PCDHA10: variants seen among roughly 807,000 people sequenced by gnomAD.
PCDHA10 encodes protocadherin alpha-10.
In PCDHA10, 45 loss-of-function variants were observed where a neutral mutation model predicts 61.2. The observed-to-expected ratio is 0.74, with a 90% CI of 0.58 to 0.94. The LOEUF is 0.94. Among genes scored for constraint, PCDHA10 ranks in the 40% least tolerant of loss-of-function variants. The probability of loss-of-function intolerance (pLI) is 0.00; values close to 1 mark genes in which losing one functional copy is unlikely to be tolerated. For synonymous variants in PCDHA10, 602 were observed against 548.8 expected, an observed-to-expected ratio of 1.10 and a Z score of -1.35; for missense variants, 1,278 against 1,236.2, an observed-to-expected ratio of 1.03 and a Z score of -0.51.
intron 1 of PCDHA10, among the ~76,000 whole-genome samples, chr5:140,887,519 T>C (rs1460911624): frequency 1.3e-5 from 2 of 152,190 alleles, no homozygotes; most frequent in East Asian, 3.8e-4. Flanking sequence ...CTTTTTTATA[T>C]ATGAGTCTTC....
intron 1 of PCDHA10, among the ~76,000 whole-genome samples, chr5:140,977,853 C>T (rs2096777992): frequency 6.6e-6 from 1 of 152,212 alleles, no homozygotes; most frequent in Admixed American, 6.5e-5. Context: ...GGCTTTGTTT[C>T]TACCAAATAT....
At chr5:140,968,494 C>T in intron 1 of PCDHA10, 1 of 1,614,096 alleles carries the variant, frequency 6.2e-7, no homozygotes, top group Non-Finnish European at 8.5e-7. Flanking sequence ...ATGACCATGC[C>T]CCTCACATTC....
rs1284021507 is a variant in PCDHA10, at chr5:140,883,838, G to C, written c.2388+25402G>C. The C allele has an allele frequency of 6.2e-7, 1 of 1,612,620 alleles. No individual in the cohort carries two copies. The highest frequency in any genetic ancestry group is 8.5e-7 in the Non-Finnish European group (1 of 1,179,840). On this transcript the variant is annotated intron_variant, in intron 1 of 3. Coordinates refer to ENST00000307360, the MANE Select transcript of PCDHA10 (RefSeq NM_018901.4). ...CAAGGTGTACGCGCTGCAGCCGTTG[G>C]ACCACGAGGAGCTGGAGCTGTTGCA...
chr5:140,883,457 C>A lies in PCDHA10; in HGVS notation c.2388+25021C>A, dbSNP rs142331981. 13 of 1,614,078 alleles carry A rather than the reference C, an allele frequency of 8.1e-6. No individual in the cohort carries two copies. Among genetic ancestry groups the A allele is most frequent in the Non-Finnish European group, 1.1e-5 (13 of 1,180,050 alleles). On this transcript the variant is annotated intron_variant, in intron 1 of 3. Transcript: ENST00000307360. ...CTTGACGCCGCATGTCCCCTTCAAG[C>A]TGGTGTCCACCTACAAGAACTACTA...
chr5:140,925,952 ACTG>A (rs1295981015), intron 1 of PCDHA10, among the ~76,000 whole-genome samples: 1 of 151,952 alleles, frequency 6.6e-6, no homozygotes, highest in Non-Finnish European at 1.5e-5. Flanking sequence ...AGAAGGAGAA[ACTG>A]CTATCACGCA....
At chr5:140,940,600 G>A (rs576348550) in intron 1 of PCDHA10, among the ~76,000 whole-genome samples, 36 of 152,074 alleles carry the variant, frequency 2.4e-4, no homozygotes, top group African/African-American at 8.4e-4. Flanking sequence ...GGCATGAGCC[G>A]CTGCTCCTGG....
chr5:140,966,290 G>A (rs2095989541), intron 1 of PCDHA10: 3 of 375,186 alleles, frequency 8.0e-6, no homozygotes, highest in Non-Finnish European at 1.4e-5. Flanking sequence ...GGGGTAGGGA[G>A]AAAGGGAGTG....
intron 1 of PCDHA10, chr5:140,870,971 T>TG (rs782370379): frequency 3.7e-6 from 6 of 1,613,594 alleles, no homozygotes; most frequent in Non-Finnish European, 5.1e-6. Context: ...CCGTTCCGCG[T>TG]GGGGCTGTAC....
intron 1 of PCDHA10, chr5:140,870,757 GT>G: frequency 6.2e-7 from 1 of 1,613,572 alleles, no homozygotes; most frequent in Non-Finnish European, 8.5e-7. Context: ...GACGCTGCAG[GT>G]GTTCGTGCTG....
chr5:140,987,882 T>G (rs942974119), intron 3 of PCDHA10, among the ~76,000 whole-genome samples: 2 of 152,158 alleles, frequency 1.3e-5, no homozygotes, highest in Non-Finnish European at 2.9e-5. Flanking sequence ...ATGGACAGTT[T>G]ATGTGCCCTA....
chr5:140,969,281 A>C, intron 1 of PCDHA10: 5 of 1,614,220 alleles, frequency 3.1e-6, no homozygotes, highest in Non-Finnish European at 3.4e-6. Context: ...AAGTGGTCAG[A>C]ATGCTGGGAA....
At chr5:140,916,367 CT>C (rs1359695566) in intron 1 of PCDHA10, among the ~76,000 whole-genome samples, 1 of 152,196 alleles carries the variant, frequency 6.6e-6, no homozygotes, top group Non-Finnish European at 1.5e-5. Flanking sequence ...GAGTCTTTCA[CT>C]GTAGCCACCA....
In PCDHA10 at chr5:140,856,510, A is replaced by G. The variant is rs1193359159; in HGVS notation, c.462A>G (p.Glu154=). 2 of 1,598,532 alleles carry G rather than the reference A, an allele frequency of 1.3e-6. No individual in the cohort carries two copies. The highest frequency in any genetic ancestry group is 1.7e-6 in the Non-Finnish European group (2 of 1,167,952). ...TGCTTGACTCTCGATTTCCACTAGAAGGCGCATCTGATGCGGATGTTGGAG... is the reference window on the plus strand; with the variant it reads ...TGCTTGACTCTCGATTTCCACTAGAGGGCGCATCTGATGCGGATGTTGGAG... The part of the protein sequence containing the change: ...SRLLDSRFPL[E]GASDADVGEN... The change falls in exon 1 of 4, where the codon GAA becomes GAG. Residue 154 remains glutamate, a synonymous_variant. Transcript: ENST00000307360.
In PCDHA10 at chr5:141,009,679, C is replaced by T; in HGVS notation, c.2589C>T (p.Asn863=). 1.2e-6 allele frequency: 2 copies of T among 1,614,116 alleles called. No individual in the cohort carries two copies. The highest frequency in any genetic ancestry group is 8.5e-7 in the Non-Finnish European group (1 of 1,180,026). The part of the protein sequence containing the change: ...SPPVGAGVNS[N]SWTFKYGPGN... ...CAGTCGGTGCGGGTGTCAACAGCAA[C>T]AGCTGGACCTTTAAATACGGACCAG... The change falls in exon 4 of 4, where the codon AAC becomes AAT. Residue 863 remains asparagine (N), a synonymous_variant. Coordinates refer to ENST00000307360, the MANE Select transcript of PCDHA10 (RefSeq NM_018901.4).
At chr5:140,957,641 T>G (rs1554223056) in intron 1 of PCDHA10, among the ~76,000 whole-genome samples, 1 of 152,110 alleles carries the variant, frequency 6.6e-6, no homozygotes, top group African/African-American at 2.4e-5. Flanking sequence ...AGAAATGCAC[T>G]TAAATATTCA....
chr5:140,884,358 A>G lies in PCDHA10; in HGVS notation c.2388+25922A>G, dbSNP rs546242835. On this transcript the variant is annotated intron_variant, in intron 1 of 3. Coordinates refer to ENST00000307360, the MANE Select transcript of PCDHA10 (RefSeq NM_018901.4). Reference sequence around the variant, plus strand: ...CCAGAAGCGGCGCTGGTGGATGTCAATGTTTACTTGATCATTGCCATCTGC... The same window carrying G: ...CCAGAAGCGGCGCTGGTGGATGTCAGTGTTTACTTGATCATTGCCATCTGC... The G allele has an allele frequency of 7.8e-5, 126 of 1,613,886 alleles. 3 individuals carry two copies. The South Asian group carries it at 1.1e-3, about 14-fold the overall frequency.
At chr5:140,925,966 A>G (rs782294082) in intron 1 of PCDHA10, among the ~76,000 whole-genome samples, 2 of 149,366 alleles carry the variant, frequency 1.3e-5, no homozygotes, top group Non-Finnish European at 3.0e-5. Flanking sequence ...CTATCACGCA[A>G]AAAAAAAGCC....
At chr5:140,909,101 G>C (rs1242179195) in intron 1 of PCDHA10, among the ~76,000 whole-genome samples, 1 of 152,122 alleles carries the variant, frequency 6.6e-6, no homozygotes, top group Non-Finnish European at 1.5e-5. Flanking sequence ...CACTCACTGG[G>C]TCCAATCAGC....
chr5:140,890,836 C>A (rs1189670490), intron 1 of PCDHA10, among the ~76,000 whole-genome samples: 1 of 151,884 alleles, frequency 6.6e-6, no homozygotes, highest in Admixed American at 6.6e-5. Flanking sequence ...ACATATTTAC[C>A]AGTTTTGTTT....
Sources: gnomAD v4.1 joint callset for allele counts (sites outside exome capture counted in the v4.1 genomes callset) on GRCh38, gnomAD v4.1.1 for gene constraint, MANE v1.5 for transcripts, NCBI Gene and HGNC (gene_info 2026-07-23, HGNC 2026-07-21) for gene names.